The following NARF variants were observed in gnomAD, a reference collection of about 807,000 sequenced individuals.
NARF encodes iron-only hydrogenase-like protein 2.
NARF carries 41 observed loss-of-function variants against 48.0 expected under a neutral mutation model. The ratio of observed to expected loss-of-function variants is 0.85; its 90% CI spans 0.66 to 1.11. The LOEUF (loss-of-function observed/expected upper bound fraction) is 1.11, where lower values mean the gene tolerates loss of function less well. Ranked by LOEUF, NARF falls within the 50% of genes least tolerant of loss-of-function variation. NARF has a pLI of 0.00. For synonymous variants in NARF, 215 were observed against 225.5 expected, an observed-to-expected ratio of 0.95 and a Z score of 0.42; for missense variants, 613 against 590.2, an observed-to-expected ratio of 1.04 and a Z score of -0.40.
In NARF at chr17:82,464,238, A is replaced by G. The variant is rs369473316; in HGVS notation, c.109-49A>G. 110 of 1,592,444 alleles carry G rather than the reference A, an allele frequency of 6.9e-5. 1 individual carries two copies. In the African/African-American group the frequency reaches 1.1e-3, roughly 16 times the overall value. ...GGTGTTACCCTCTCTAAAGAAGCAC[A>G]TTAAAGAGTATTTGTTGAATAATCA... On this transcript the variant is annotated intron_variant, in intron 2 of 10. Coordinates refer to ENST00000309794, the MANE Select transcript of NARF (RefSeq NM_012336.4).
chr17:82,485,434 A>AAG, intron 9 of NARF, 63 bp from the exon 10 acceptor site: 1 of 1,500,004 alleles, frequency 6.7e-7, no homozygotes, highest in Non-Finnish European at 9.1e-7. Context: ...AAAAAAAAGG[A>AAG]AGTGTTCTTA....
intron 7 of NARF, among the ~76,000 whole-genome samples, chr17:82,481,624 G>A (rs909149733): frequency 6.6e-6 from 1 of 152,044 alleles, no homozygotes; most frequent in African/African-American, 2.4e-5. Flanking sequence ...CAGCTGCTCG[G>A]GAGGCTGAGG....
intron 4 of NARF, among the ~76,000 whole-genome samples, chr17:82,469,689 T>C (rs1454871282): frequency 6.6e-6 from 1 of 152,156 alleles, no homozygotes; most frequent in East Asian, 1.9e-4. Context: ...CACTGCAACC[T>C]CCGCCTCCCG....
rs2043512765 is a variant in NARF at position 82,464,444 on chromosome 17, G to A, written c.252+14G>A. On this transcript the variant is annotated intron_variant, in intron 3 of 10. Transcript: ENST00000309794. ...AACCTTAACAAGGTAAGGCATTCGG[G>A]GCATTTGCTGATGCTGGGGAGCTGA... The A allele has an allele frequency of 6.2e-7, 1 of 1,601,468 alleles. No homozygotes were observed.
intron 9 of NARF, 57 bp downstream of exon 9, chr17:82,485,007 T>G: frequency 6.5e-7 from 1 of 1,529,802 alleles, no homozygotes. Flanking sequence ...GTGCATGGTG[T>G]GCCTGTATGG....
At chr17:82,468,091 C>T (rs1390616402) in intron 3 of NARF, among the ~76,000 whole-genome samples, 3 of 152,024 alleles carry the variant, frequency 2.0e-5, no homozygotes, top group Admixed American at 2.0e-4. Context: ...GCAGGTGGAT[C>T]ACAAGGTCAG....
chr17:82,470,361 C>A (rs1481418487), intron 4 of NARF, among the ~76,000 whole-genome samples: 1 of 152,106 alleles, frequency 6.6e-6, no homozygotes, highest in South Asian at 2.1e-4. Flanking sequence ...TTGTCAAATG[C>A]TATATATTCT....
intron 8 of NARF, 170 bp from the exon 9 acceptor site, chr17:82,484,643 C>G: frequency 2.7e-6 from 2 of 736,442 alleles, no homozygotes; most frequent in Non-Finnish European, 4.0e-6. Flanking sequence ...CCTCCCAAGA[C>G]CCCTCAAGAT....
Position 82,488,275 on chromosome 17 carries a change from C to G in NARF, c.*118C>G. On this transcript the variant is annotated 3_prime_UTR_variant, in exon 11 of 11. Transcript: ENST00000309794. ...CTTAAGAAAACCGCTCAATGGATTA[C>G]TTTGGTTTCTCCGAGTTCCCTGCTA... 12 of 1,444,172 alleles carry G rather than the reference C, an allele frequency of 8.3e-6. No homozygotes were observed. Among genetic ancestry groups the G allele is most frequent in the Non-Finnish European group, 1.0e-5 (11 of 1,094,386 alleles). The allele number at this position is 1,444,172 out of a possible 1,614,324, so 89.5% of individuals were successfully genotyped here.
intron 3 of NARF, 27 bp from the exon 4 acceptor site, chr17:82,468,736 AC>A (rs771611458): frequency 6.2e-7 from 1 of 1,611,416 alleles, no homozygotes; most frequent in South Asian, 1.1e-5. Context: ...ATCAGCAGAT[AC>A]CTAACATTCT....
chr17:82,474,817 G>A (rs368262639), intron 5 of NARF, among the ~76,000 whole-genome samples: 2 of 152,110 alleles, frequency 1.3e-5, no homozygotes, highest in African/African-American at 4.8e-5. Context: ...GAGCTGTATC[G>A]TTCACCAGCA....
At chr17:82,459,269 C>T (rs2043368940) in intron 1 of NARF, 1 of 839,094 alleles carries the variant, frequency 1.2e-6, no homozygotes, top group Middle Eastern at 5.8e-4. Flanking sequence ...CCGCGGTTGT[C>T]TCCAGGCCAT....
chr17:82,487,770 A>ACC, intron 10 of NARF, 146 bp from the exon 11 acceptor site: 1 of 687,268 alleles, frequency 1.5e-6, no homozygotes, highest in East Asian at 2.8e-5. Flanking sequence ...CAACATAGCA[A>ACC]CACCCGCCCC....
Position 82,486,453 on chromosome 17 carries a change from G to A in NARF, c.1129+799G>A, listed in dbSNP as rs147536796. 7.2e-4 allele frequency among the ~76,000 whole-genome samples: 110 copies of A among 152,250 alleles called. 1 individual carries two copies. Among genetic ancestry groups the A allele is most frequent in the Non-Finnish European group, 1.1e-3 (75 of 68,000 alleles). On this transcript the variant is annotated intron_variant, in intron 10 of 10. Coordinates refer to ENST00000309794, the MANE Select transcript of NARF (RefSeq NM_012336.4). The stretch of plus-strand genomic sequence containing the variant: ...AAGGTGTGAAGCCACAGGATGGGAG[G>A]GGCCCTTGGGCAGGGCACAGACAAG...
intron 4 of NARF, 125 bp downstream of exon 4, chr17:82,469,021 C>A: frequency 1.9e-6 from 2 of 1,047,124 alleles, no homozygotes; most frequent in Non-Finnish European, 2.7e-6. Flanking sequence ...TCTCTTGGAA[C>A]GTAAAAAGAC....
intron 10 of NARF, among the ~76,000 whole-genome samples, chr17:82,486,985 A>C (rs1482825166): frequency 3.3e-5 from 5 of 152,170 alleles, no homozygotes; most frequent in Non-Finnish European, 5.9e-5. Flanking sequence ...TGCAGCCTCC[A>C]GGCAGGGCCC....
intron 8 of NARF, 90 bp downstream of exon 8, chr17:82,483,869 T>C: frequency 8.1e-7 from 1 of 1,241,786 alleles, no homozygotes; most frequent in Non-Finnish European, 1.2e-6. Flanking sequence ...CTGCCCTGCT[T>C]TATGACGAGG....
chr17:82,485,951 T>C (rs2044086414), intron 10 of NARF, among the ~76,000 whole-genome samples: 1 of 152,124 alleles, frequency 6.6e-6, no homozygotes, highest in Non-Finnish European at 1.5e-5. Flanking sequence ...AGAGAACAAA[T>C]CACAAGAGTT....
In NARF at chr17:82,483,716, G is replaced by T. The variant is rs995438099; in HGVS notation, c.770G>T (p.Gly257Val). 1.2e-6 allele frequency: 2 copies of T among 1,613,866 alleles called. No individual in the cohort carries two copies. Among genetic ancestry groups the T allele is most frequent in the Non-Finnish European group, 1.7e-6 (2 of 1,179,962 alleles). The change falls in exon 8 of 11, where the codon GGT becomes GTT. Residue 257 changes from glycine (G) to valine (V), a missense_variant and splice_region_variant. By Grantham distance (109) the Gly-to-Val change is moderately radical. Transcript: ENST00000309794. The stretch of plus-strand genomic sequence containing the variant: ...AGTGTCTTACTTCGTTTGTCTGCAG[G>T]TGAAATTGCTCAAATAATGGAGCAA... ...SRGADCVLTS[G>V]EIAQIMEQGD...
Sources: allele counts gnomAD v4.1 joint callset (sites outside exome capture counted in the v4.1 genomes callset), GRCh38; gene constraint gnomAD v4.1.1; transcripts MANE v1.5; gene names NCBI Gene and HGNC (gene_info 2026-07-23, HGNC 2026-07-21).